Variants in PRDM14 observed in about 807,000 individuals in gnomAD.
PRDM14 encodes the protein PR domain zinc finger protein 14.
A neutral mutation model predicts 48.0 loss-of-function variants in PRDM14; 16 were observed. The ratio of observed to expected loss-of-function variants is 0.33; its 90% confidence interval spans 0.23 to 0.51. The LOEUF is 0.51. PRDM14 is among the 20% of genes least tolerant of loss of function. The pLI, the probability that PRDM14 is intolerant of heterozygous loss-of-function variation, is 0.97. For synonymous variants in PRDM14, 264 were observed against 276.6 expected, an observed-to-expected ratio of 0.95 and a Z score of 0.45; for missense variants, 566 against 719.6, an observed-to-expected ratio of 0.79 and a Z score of 2.44.
intron 6 of PRDM14, among the ~76,000 whole-genome samples, chr8:70,056,294 C>G (rs548926969): frequency 2.0e-5 from 3 of 152,278 alleles, no homozygotes; most frequent in African/African-American, 7.2e-5. Flanking sequence ...CAGAGAGGTG[C>G]AAGCACCGAG....
Position 70,060,414 on chromosome 8 carries a change from A to AAC in PRDM14, c.1184-1573_1184-1572insGT, listed in dbSNP as rs140984913. On this transcript the variant is annotated intron_variant, in intron 5 of 7. Coordinates refer to ENST00000276594, the MANE Select transcript of PRDM14 (RefSeq NM_024504.4). ...ACTTTGTCTCGAAAAAAAAAAAAAA[A>AAC]CATAACCATAATGTCATTGTCACAT... Among the ~76,000 whole-genome samples, 736 of 149,006 alleles carry AAC rather than the reference A, an allele frequency of 4.9e-3. 10 individuals are homozygous for AAC. The highest frequency in any genetic ancestry group is 0.015 in the African/African-American group (609 of 40,376).
chr8:70,067,777 C>T (rs868321542), intron 4 of PRDM14, among the ~76,000 whole-genome samples: 87 of 151,824 alleles, frequency 5.7e-4, no homozygotes, highest in African/African-American at 1.8e-3. Context: ...GTCCCACTAG[C>T]ATATCCCTAA....
chr8:70,066,932 C>T (rs1805678935), intron 4 of PRDM14, among the ~76,000 whole-genome samples: 1 of 152,096 alleles, frequency 6.6e-6, no homozygotes, highest in Non-Finnish European at 1.5e-5. Context: ...GGGCCTCACT[C>T]TTTCCTAGGC....
chr8:70,064,757 C>T (rs965567261), intron 5 of PRDM14, among the ~76,000 whole-genome samples: 2 of 151,990 alleles, frequency 1.3e-5, no homozygotes, highest in Admixed American at 6.6e-5. Flanking sequence ...GATCTCCTGA[C>T]CTCGTGATCC....
chr8:70,060,517 A>G (rs988968572), intron 5 of PRDM14, among the ~76,000 whole-genome samples: 1 of 152,160 alleles, frequency 6.6e-6, no homozygotes, highest in Non-Finnish European at 1.5e-5. Context: ...ATATACACAC[A>G]TATATATTTG....
At chr8:70,056,476 A>G (rs994571236) in intron 6 of PRDM14, among the ~76,000 whole-genome samples, 7 of 152,180 alleles carry the variant, frequency 4.6e-5, no homozygotes, top group Non-Finnish European at 8.8e-5. Context: ...GTATTTGTTT[A>G]TTTATTTATT....
intron 5 of PRDM14, among the ~76,000 whole-genome samples, chr8:70,060,278 C>T (rs116450562): frequency 0.014 from 2,077 of 151,214 alleles, 60 homozygotes; most frequent in African/African-American, 0.048. Flanking sequence ...TAGCACACGC[C>T]TTTAGTCCCA....
At chr8:70,059,569 C>T (rs1035160685) in intron 5 of PRDM14, among the ~76,000 whole-genome samples, 11 of 152,128 alleles carry the variant, frequency 7.2e-5, no homozygotes, top group African/African-American at 1.9e-4. Context: ...CATGCCCGGC[C>T]GCCAAGAGAA....
intron 5 of PRDM14, among the ~76,000 whole-genome samples, chr8:70,060,398 C>CG (rs1466287944): frequency 4.1e-5 from 5 of 123,236 alleles, no homozygotes; most frequent in African/African-American, 1.1e-4. Context: ...CACTTTGTCT[C>CG]GAAAAAAAAA....
intron 5 of PRDM14, among the ~76,000 whole-genome samples, chr8:70,064,102 G>A (rs1440911710): frequency 6.6e-6 from 1 of 152,136 alleles, no homozygotes. Flanking sequence ...GTTCAGTGGC[G>A]GGGGGAACCC....
At chr8:70,057,827 A>C (rs929969954) in intron 6 of PRDM14, among the ~76,000 whole-genome samples, 1 of 152,202 alleles carries the variant, frequency 6.6e-6, no homozygotes, top group African/African-American at 2.4e-5. Flanking sequence ...ATTTTATAGG[A>C]GTATATAATA....
At position 70,071,022 on chromosome 8, in the gene PRDM14, G is replaced by A. The variant is rs1299720144; in HGVS notation, c.-25+128C>T. The stretch of plus-strand genomic sequence containing the variant: ...CCGACCTCAGGGATCTGCAACTTGG[G>A]ATTCAAAGCCCCCGAGAGGGCAGAA... On this transcript the variant is annotated intron_variant, in intron 1 of 7. Transcript: ENST00000276594. This position sits in a 1 kb window ranked among gnomAD's most constrained non-coding sequence, Gnocchi z 5.2. 3.9e-5 allele frequency: 6 copies of A among 152,308 alleles called. No homozygotes were observed. Among genetic ancestry groups the A allele is most frequent in the Admixed American group, 3.3e-4 (5 of 15,280 alleles). 9.4% of individuals were successfully genotyped at this position (152,308 alleles called of 1,614,324 possible).
At chr8:70,058,946 C>A in intron 5 of PRDM14, 104 bp from the exon 6 acceptor site, 1 of 977,888 alleles carries the variant, frequency 1.0e-6, no homozygotes, top group Non-Finnish European at 1.5e-6. Flanking sequence ...AATTCTTTGG[C>A]TACTTCAAGA....
chr8:70,054,515 ATTTTT>A (rs561179179), intron 7 of PRDM14, among the ~76,000 whole-genome samples: 13 of 114,996 alleles, frequency 1.1e-4, no homozygotes, highest in Admixed American at 2.8e-4. Context: ...TGAAATAGTG[ATTTTT>A]TTTTTTTTTT....
At chr8:70,058,924 T>C (rs952958742) in intron 5 of PRDM14, 82 bp from the exon 6 acceptor site, 4 of 1,198,646 alleles carry the variant, frequency 3.3e-6, no homozygotes, top group Non-Finnish European at 4.7e-6. Flanking sequence ...TATTTATTTA[T>C]TTTTAGCCAA....
At chr8:70,059,614 A>T (rs968075957) in intron 5 of PRDM14, among the ~76,000 whole-genome samples, 25 of 152,174 alleles carry the variant, frequency 1.6e-4, no homozygotes, top group African/African-American at 6.0e-4. Context: ...AAAAATGTAA[A>T]CATACCAAAG....
chr8:70,056,006 G>A (rs1420643290), intron 6 of PRDM14, among the ~76,000 whole-genome samples: 1 of 152,174 alleles, frequency 6.6e-6, no homozygotes, highest in Non-Finnish European at 1.5e-5. Context: ...TAAACTACAA[G>A]TACTGTGCAA....
In PRDM14 at chr8:70,060,483, A is replaced by G. The variant is rs72663915; in HGVS notation, c.1184-1641T>C. 1.3e-3 allele frequency among the ~76,000 whole-genome samples: 195 copies of G among 152,194 alleles called. 1 individual carries two copies. The highest frequency in any genetic ancestry group is 1.9e-3 in the Non-Finnish European group (128 of 68,010). ...AACTCTTATTCTTTTATAGAAACAT[A>G]TATGTACTTATATATGCACATTTAT... On this transcript the variant is annotated intron_variant, in intron 5 of 7. Transcript: ENST00000276594.
intron 5 of PRDM14, among the ~76,000 whole-genome samples, chr8:70,059,935 A>G (rs779140218): frequency 4.6e-5 from 7 of 151,962 alleles, no homozygotes; most frequent in Non-Finnish European, 8.8e-5. Context: ...CTGTACTAAA[A>G]ATACAAAATT....
Sources: gnomAD v4.1 joint callset for allele counts (sites outside exome capture counted in the v4.1 genomes callset) on GRCh38, gnomAD v4.1.1 for gene constraint, Gnocchi (gnomAD v3.1) non-coding constraint, MANE v1.5 for transcripts, NCBI Gene and HGNC (gene_info 2026-07-23, HGNC 2026-07-21) for gene names.